The following SRPRB variants were observed in gnomAD, a reference collection of about 807,000 sequenced individuals.
The protein encoded by SRPRB is signal recognition particle receptor subunit beta.
SRPRB carries 20 observed loss-of-function variants against 31.9 expected under a neutral mutation model. That is an observed-to-expected ratio of 0.63 (90% confidence interval 0.44 to 0.91). SRPRB has a LOEUF of 0.91. SRPRB is among the 40% of genes least tolerant of loss of function. The pLI, the probability that SRPRB is intolerant of heterozygous loss-of-function variation, is 0.00. For synonymous variants in SRPRB, 146 were observed against 132.8 expected, an observed-to-expected ratio of 1.10 and a Z score of -0.68; for missense variants, 321 against 324.9, an observed-to-expected ratio of 0.99 and a Z score of 0.09.
chr3:133,827,269 A>G (rs781534214), downstream of SRPRB: 2 of 152,250 alleles, frequency 1.3e-5, no homozygotes, highest in African/African-American at 2.4e-5. Context: ...CATCCCATCT[A>G]TGACATGCCC....
At chr3:133,791,000 C>A (rs60127050) in intron 1 of SRPRB, 155 of 152,186 alleles carry the variant, frequency 1.0e-3, no homozygotes, top group African/African-American at 3.7e-3. Context: ...CATTTGTTTG[C>A]CATTTATTCT....
chr3:133,796,946 G>A (rs564567672), intron 1 of SRPRB, among the ~76,000 whole-genome samples: 32 of 152,294 alleles, frequency 2.1e-4, no homozygotes, highest in Admixed American at 1.1e-3. Context: ...AGTGCAAAGG[G>A]CTTTATATCA....
intron 4 of SRPRB, among the ~76,000 whole-genome samples, chr3:133,812,677 T>C (rs1350782406): frequency 6.6e-6 from 1 of 152,264 alleles, no homozygotes; most frequent in African/African-American, 2.4e-5. Flanking sequence ...GTTCTTATCA[T>C]GGTTCCCCTC....
chr3:133,811,200 G>A lies in SRPRB; in HGVS notation c.410+1G>A, dbSNP rs369385910. The A allele has an allele frequency of 1.2e-5, 19 of 1,613,948 alleles. No homozygotes were observed. The highest frequency in any genetic ancestry group is 1.5e-5 in the Non-Finnish European group (18 of 1,179,964). Reference sequence around the variant, plus strand: ...TAGAGCGGTTTAAGTCTTCAGCCAGGTAAGAAGGAAAGAAGTGAAGTGGGC... The same window carrying A: ...TAGAGCGGTTTAAGTCTTCAGCCAGATAAGAAGGAAAGAAGTGAAGTGGGC... On this transcript the variant is annotated splice_donor_variant, in intron 4 of 6. Coordinates refer to ENST00000678299, the MANE Select transcript of SRPRB (RefSeq NM_001379313.1). LOFTEE classifies it high-confidence loss of function.
chr3:133,807,611 T>C, intron 2 of SRPRB, 135 bp from the exon 3 acceptor site: 1 of 631,674 alleles, frequency 1.6e-6, no homozygotes, highest in Non-Finnish European at 2.8e-6. Flanking sequence ...GTAAAAAAAA[T>C]CAATATCGTC....
upstream of SRPRB, among the ~76,000 whole-genome samples, chr3:133,800,824 T>C (rs753313128): frequency 1.1e-4 from 17 of 152,320 alleles, no homozygotes; most frequent in Middle Eastern, 3.4e-3. Flanking sequence ...GTGCCTCCCA[T>C]GAGCCAAGTA....
chr3:133,825,569 C>T (rs907109309), downstream of SRPRB: 1 of 152,238 alleles, frequency 6.6e-6, no homozygotes, highest in Non-Finnish European at 1.5e-5. Context: ...CCATGGTGCT[C>T]ATGATTCTGA....
At chr3:133,798,969 AAC>A (rs1441248721) in intron 1 of SRPRB, among the ~76,000 whole-genome samples, 16 of 152,304 alleles carry the variant, frequency 1.1e-4, no homozygotes, top group African/African-American at 3.6e-4. Flanking sequence ...ACATAGAGCC[AAC>A]ACACATCTAA....
exon 1 of SRPRB, chr3:133,784,111 G>C (rs1934584452): frequency 6.6e-6 from 1 of 152,314 alleles, no homozygotes; most frequent in Non-Finnish European, 1.5e-5. Flanking sequence ...CTAGTCCCGA[G>C]GACAACCGAC....
chr3:133,794,280 A>G (rs1046801601), intron 1 of SRPRB: 2 of 152,226 alleles, frequency 1.3e-5, no homozygotes, highest in South Asian at 4.1e-4. Context: ...GGTGACTTAT[A>G]AATTGCTAAA....
chr3:133,827,682 A>C, downstream of SRPRB: 1 of 575,990 alleles, frequency 1.7e-6, no homozygotes, highest in Non-Finnish European at 3.1e-6. Flanking sequence ...GAAAGCACTC[A>C]ACAATATTAG....
chr3:133,815,040 T>C (rs1281844619), intron 4 of SRPRB, among the ~76,000 whole-genome samples: 1 of 152,212 alleles, frequency 6.6e-6, no homozygotes, highest in African/African-American at 2.4e-5. Flanking sequence ...CCCCAGGGAA[T>C]GTGTTTCACG....
At position 133,811,147 on chromosome 3, in the gene SRPRB, G is replaced by T; in HGVS notation, c.358G>T (p.Gly120Cys). 6.2e-7 allele frequency: 1 copy of T among 1,614,136 alleles called. No homozygotes were observed. The highest frequency in any genetic ancestry group is 1.1e-5 in the South Asian group (1 of 91,080). The change falls in exon 4 of 7, where the codon GGC becomes TGC. Residue 120 changes from glycine to cysteine, a missense_variant. By Grantham distance (159) the Gly-to-Cys change is radical. Coordinates refer to ENST00000678299, the MANE Select transcript of SRPRB (RefSeq NM_001379313.1). ...TAGTCTGACCTTGATTGACCTTCCC[G>T]GCCATGAGAGTTTGAGGCTTCAGTT... ...GNSLTLIDLP[G>C]HESLRLQFLE...
At chr3:133,785,032 C>CCGGG in intron 1 of SRPRB, 1 of 82,392 alleles carries the variant, frequency 1.2e-5, no homozygotes, top group African/African-American at 3.5e-5. Flanking sequence ...GCCGCCCCGT[C>CCGGG]TGGGAGGTGA....
chr3:133,809,773 T>G (rs1450779663), intron 3 of SRPRB, among the ~76,000 whole-genome samples: 1 of 152,212 alleles, frequency 6.6e-6, no homozygotes, highest in Non-Finnish European at 1.5e-5. Context: ...GAACGTAAAG[T>G]ATCATTAATA....
chr3:133,822,689 G>GT (rs1935494047), downstream of SRPRB, among the ~76,000 whole-genome samples: 1 of 152,196 alleles, frequency 6.6e-6, no homozygotes, highest in Non-Finnish European at 1.5e-5. Flanking sequence ...GCCAGTCTAT[G>GT]TTTTTTCTTG....
At chr3:133,800,493 G>A (rs1017710368) in intron 1 of SRPRB, among the ~76,000 whole-genome samples, 2 of 152,190 alleles carry the variant, frequency 1.3e-5, no homozygotes, top group East Asian at 3.9e-4. Flanking sequence ...ACTGGAGGGA[G>A]CTGCCCAAGC....
At chr3:133,806,845 C>A in intron 2 of SRPRB, 142 bp downstream of exon 2, 1 of 617,320 alleles carries the variant, frequency 1.6e-6, no homozygotes, top group South Asian at 2.4e-5. Context: ...CTTGGGAGAA[C>A]AAAAAGACTC....
downstream of SRPRB, among the ~76,000 whole-genome samples, chr3:133,823,883 C>A (rs1230408505): frequency 6.6e-6 from 1 of 152,186 alleles, no homozygotes; most frequent in Non-Finnish European, 1.5e-5. Flanking sequence ...CCTGTACCCT[C>A]TCCCCCCTTC....
Sources: allele counts gnomAD v4.1 joint callset (sites outside exome capture counted in the v4.1 genomes callset), GRCh38; gene constraint gnomAD v4.1.1; transcripts MANE v1.5; gene names NCBI Gene and HGNC (gene_info 2026-07-23, HGNC 2026-07-21).